The following SYN3 variants were observed in gnomAD, a reference collection of about 807,000 sequenced individuals.
SYN3 encodes synapsin-3.
A neutral mutation model predicts 65.8 loss-of-function variants in SYN3; 35 were observed. The ratio of observed to expected loss-of-function variants is 0.53; its 90% CI spans 0.41 to 0.70. The LOEUF is 0.70. SYN3 is among the 30% of genes least tolerant of loss of function. SYN3 has a pLI of 0.00. For missense variants in SYN3, 680 were observed against 749.0 expected (o/e 0.91, Z 1.08); for synonymous variants, 270 against 292.9 (o/e 0.92, Z 0.80).
chr22:32,645,899 T>C (rs1162503037), intron 6 of SYN3, among the ~76,000 whole-genome samples: 1 of 89,796 alleles, frequency 1.1e-5, no homozygotes, highest in Non-Finnish European at 2.2e-5. Flanking sequence ...GGGGATATTT[T>C]GGGGGTTGGG....
At chr22:32,674,257 T>C (rs1223219352) in intron 6 of SYN3, among the ~76,000 whole-genome samples, 1 of 152,166 alleles carries the variant, frequency 6.6e-6, no homozygotes, top group Non-Finnish European at 1.5e-5. Context: ...GCAGCCAGTC[T>C]TGTCTGTCCC....
chr22:32,639,511 CT>C (rs1472381948), intron 6 of SYN3, among the ~76,000 whole-genome samples: 1 of 152,122 alleles, frequency 6.6e-6, no homozygotes, highest in Non-Finnish European at 1.5e-5. Flanking sequence ...TCTTTTGCTT[CT>C]TTCATGTTTG....
intron 7 of SYN3, among the ~76,000 whole-genome samples, chr22:32,576,128 C>T (rs189076323): frequency 6.6e-6 from 1 of 152,252 alleles, no homozygotes; most frequent in Admixed American, 6.5e-5. Flanking sequence ...GTTCTATCGA[C>T]ATATAGACAC....
intron 6 of SYN3, among the ~76,000 whole-genome samples, chr22:32,675,032 G>A (rs1200140637): frequency 1.3e-5 from 2 of 152,184 alleles, no homozygotes; most frequent in African/African-American, 4.8e-5. Flanking sequence ...ACTGAACAAA[G>A]TTCTGTCTGA....
chr22:32,801,849 G>A lies in SYN3; in HGVS notation c.711+63066C>T, dbSNP rs1602182614. On this transcript the variant is annotated intron_variant, in intron 6 of 13. Transcript: ENST00000358763. The surrounding 1 kb of genome is among the most constrained non-coding windows in gnomAD (Gnocchi z 4.7). Reference sequence around the variant, plus strand: ...GCCTCGCTGCGCCCCATCCCGTCCCGCCGGGCACTCGGAGGGCAGCGCGCC... The same window carrying A: ...GCCTCGCTGCGCCCCATCCCGTCCCACCGGGCACTCGGAGGGCAGCGCGCC... 5 of 992,682 alleles carry A rather than the reference G, an allele frequency of 5.0e-6. No individual in the cohort carries two copies. Among genetic ancestry groups the A allele is most frequent in the Non-Finnish European group, 6.4e-6 (5 of 777,386 alleles). 61.5% of individuals were successfully genotyped at this position (992,682 alleles called of 1,614,324 possible).
intron 6 of SYN3, among the ~76,000 whole-genome samples, chr22:32,615,869 AC>A (rs1315351081): frequency 2.6e-5 from 4 of 152,344 alleles, no homozygotes; most frequent in Admixed American, 2.6e-4. Context: ...TCCAGGTACG[AC>A]AGGGACAGCT....
chr22:32,923,808 C>T (rs998916047), intron 4 of SYN3, among the ~76,000 whole-genome samples: 1 of 152,146 alleles, frequency 6.6e-6, no homozygotes, highest in Non-Finnish European at 1.5e-5. Context: ...AAGCCTAGTA[C>T]TCAATAGTTA....
rs367976058 is a variant in SYN3 at position 32,822,929 on chromosome 22, CAAAA to C, written c.711+41982_711+41985del. On this transcript the variant is annotated intron_variant, in intron 6 of 13. Coordinates refer to ENST00000358763, the MANE Select transcript of SYN3 (RefSeq NM_003490.4). ...TTAAAAACAACAACAACAACAACAA[CAAAA>C]AAAAAACAGAGAGAGAGAGATGAAT... is the stretch of plus-strand genomic sequence containing the variant. Among the ~76,000 whole-genome samples the C allele has an allele frequency of 2.4e-3, 60 of 25,374 alleles. No homozygotes were observed. The East Asian group carries it at 0.038, about 16-fold the overall frequency. The allele number at this position is 25,374 out of a possible 152,430, so 16.6% of individuals were successfully genotyped here.
intron 3 of SYN3, among the ~76,000 whole-genome samples, chr22:32,967,142 T>C (rs927172418): frequency 1.3e-5 from 2 of 152,084 alleles, no homozygotes; most frequent in African/African-American, 4.8e-5. Flanking sequence ...TTAGTAAGCA[T>C]GTGATTAGAT....
intron 10 of SYN3, among the ~76,000 whole-genome samples, chr22:32,532,978 G>C (rs373011318): frequency 4.0e-5 from 6 of 151,788 alleles, no homozygotes; most frequent in Admixed American, 6.6e-5. Context: ...GACATGGAGT[G>C]GGGGGGCAGG....
intron 4 of SYN3, among the ~76,000 whole-genome samples, chr22:32,873,668 G>A (rs769113648): frequency 7.2e-5 from 11 of 152,158 alleles, no homozygotes; most frequent in Non-Finnish European, 1.5e-4. Context: ...AAAATTCTCG[G>A]GTGTGTTGTA....
At chr22:32,979,730 A>G (rs1448244280) in intron 3 of SYN3, among the ~76,000 whole-genome samples, 3 of 152,198 alleles carry the variant, frequency 2.0e-5, no homozygotes. Flanking sequence ...AGCACTTTTC[A>G]TGGACTAACT....
intron 6 of SYN3, among the ~76,000 whole-genome samples, chr22:32,665,561 C>A (rs910819625): frequency 1.1e-4 from 17 of 151,554 alleles, no homozygotes; most frequent in Non-Finnish European, 2.9e-5. Context: ...GATTAATAGG[C>A]ATTTGGGCTG....
intron 6 of SYN3, among the ~76,000 whole-genome samples, chr22:32,745,186 C>A (rs760462278): frequency 3.3e-5 from 5 of 152,124 alleles, no homozygotes; most frequent in Non-Finnish European, 5.9e-5. Context: ...CTAAACTCTG[C>A]GCTCCCAGCA....
At chr22:32,677,082 G>A (rs2060456226) in intron 6 of SYN3, among the ~76,000 whole-genome samples, 1 of 152,192 alleles carries the variant, frequency 6.6e-6, no homozygotes, top group Admixed American at 6.5e-5. Context: ...GGACATACAT[G>A]TTGTGGCAGA....
intron 4 of SYN3, chr22:32,931,158 C>CA: frequency 7.0e-6 from 3 of 426,630 alleles, no homozygotes; most frequent in Non-Finnish European, 1.3e-5. Flanking sequence ...AAATGGAACC[C>CA]AAGTCTTTTC....
chr22:32,672,407 T>C (rs1383560168), intron 6 of SYN3, among the ~76,000 whole-genome samples: 1 of 152,242 alleles, frequency 6.6e-6, no homozygotes, highest in Non-Finnish European at 1.5e-5. Context: ...ATTTTCTCAG[T>C]GAGCAGTCAT....
rs564649112 is a variant in SYN3 at position 32,812,697 on chromosome 22, G to C, written c.711+52218C>G. Among the ~76,000 whole-genome samples the C allele has an allele frequency of 2.6e-5, 4 of 152,328 alleles. No homozygotes were observed. In the South Asian group the frequency reaches 8.3e-4, roughly 32 times the overall value. Reference sequence around the variant, plus strand: ...TGTTGCTGAGAGGACTTCTCTCATGGAAGTCTGGCTCAGATGAACACATGT... The same window carrying C: ...TGTTGCTGAGAGGACTTCTCTCATGCAAGTCTGGCTCAGATGAACACATGT... On this transcript the variant is annotated intron_variant, in intron 6 of 13. Coordinates refer to ENST00000358763, the MANE Select transcript of SYN3 (RefSeq NM_003490.4).
At chr22:32,810,820 C>T (rs2046897169) in intron 6 of SYN3, among the ~76,000 whole-genome samples, 1 of 152,110 alleles carries the variant, frequency 6.6e-6, no homozygotes, top group South Asian at 2.1e-4. Context: ...AAGGTGTTTG[C>T]ATCTCATGTA....
Sources: gnomAD v4.1 joint callset for allele counts (sites outside exome capture counted in the v4.1 genomes callset) on GRCh38, gnomAD v4.1.1 for gene constraint, Gnocchi (gnomAD v3.1) non-coding constraint, MANE v1.5 for transcripts, NCBI Gene and HGNC (gene_info 2026-07-23, HGNC 2026-07-21) for gene names.